SPART: variants seen among roughly 807,000 people sequenced by gnomAD.
The protein encoded by SPART is spastic paraplegia 20 (Troyer syndrome).
In SPART, 35 loss-of-function variants were observed where a neutral mutation model predicts 58.7. The ratio of observed to expected loss-of-function variants is 0.60; its 90% CI spans 0.46 to 0.79. SPART has a LOEUF of 0.79. Among genes scored for constraint, SPART ranks in the 30% least tolerant of loss-of-function variants. The pLI, the probability that SPART is intolerant of heterozygous loss-of-function variation, is 0.00. For synonymous variants in SPART, 284 were observed against 280.7 expected (o/e 1.01, Z -0.12); for missense variants, 730 against 786.1 (o/e 0.93, Z 0.85).
At chr13:36,317,955 T>G (rs576758886) in intron 5 of SPART, among the ~76,000 whole-genome samples, 3 of 152,180 alleles carry the variant, frequency 2.0e-5, no homozygotes, top group Non-Finnish European at 4.4e-5. Context: ...CGTCCAGGCA[T>G]TCTTTTACAC....
chr13:36,305,836 CAA>C (rs918792271), intron 8 of SPART, among the ~76,000 whole-genome samples: 1 of 152,116 alleles, frequency 6.6e-6, no homozygotes, highest in Non-Finnish European at 1.5e-5. Flanking sequence ...AACAAAGAGG[CAA>C]AAGTTTACAT....
At position 36,312,201 on chromosome 13, in the gene SPART, T is replaced by C. The variant is rs780992432; in HGVS notation, c.1677A>G (p.Ala559=). ...FSTVWQGLEC[A]AKCIVNNVSA... ...AAACATTGTTAACGATGCATTTAGCTGCACATTCCAATCCTTGCCAGACAG... is the reference window on the plus strand; with the variant it reads ...AAACATTGTTAACGATGCATTTAGCCGCACATTCCAATCCTTGCCAGACAG... The change falls in exon 8 of 9, where the codon GCA becomes GCG. Residue 559 remains alanine (A), a synonymous_variant. Transcript: ENST00000438666. 1 of 1,614,228 alleles carries C rather than the reference T, an allele frequency of 6.2e-7. No homozygotes were observed. Among genetic ancestry groups the C allele is most frequent in the Non-Finnish European group, 8.5e-7 (1 of 1,180,024 alleles).
At chr13:36,346,171 GCC>G (rs977057057) in intron 1 of SPART, 52 bp downstream of exon 1, 3 of 148,670 alleles carry the variant, frequency 2.0e-5, no homozygotes, top group African/African-American at 7.5e-5. Flanking sequence ...GGCCTGGGGC[GCC>G]CACCCCGCCC....
chr13:36,322,190 G>C (rs1882480245), intron 5 of SPART, among the ~76,000 whole-genome samples: 1 of 152,150 alleles, frequency 6.6e-6, no homozygotes. Flanking sequence ...GGACGTGCAT[G>C]AAACTCAGCA....
At chr13:36,318,266 T>G (rs926213153) in intron 5 of SPART, among the ~76,000 whole-genome samples, 38 of 152,146 alleles carry the variant, frequency 2.5e-4, no homozygotes, top group Admixed American at 2.4e-3. Context: ...TGCCCAGCAA[T>G]TTACTCTTAA....
upstream of SPART, among the ~76,000 whole-genome samples, chr13:36,351,200 C>T (rs1424412598): frequency 6.6e-6 from 1 of 151,960 alleles, no homozygotes; most frequent in Non-Finnish European, 1.5e-5. Context: ...CCAGGTGCAG[C>T]AGCTCACACC....
intron 1 of SPART, chr13:36,368,270 C>G (rs762571900): frequency 1.2e-4 from 46 of 391,344 alleles, no homozygotes; most frequent in Non-Finnish European, 2.1e-4. Context: ...CTGCCCAAAC[C>G]AGGCATAAAT....
In SPART at chr13:36,304,147, C is replaced by G. The variant is rs1245725273; in HGVS notation, c.*218G>C. ...TTAGCTACACTTGGAAAAAAATAAA[C>G]TTGAGAATATAACTTCACATTTCTA... On this transcript the variant is annotated 3_prime_UTR_variant, in exon 9 of 9. Transcript: ENST00000438666. 6.6e-6 allele frequency: 4 copies of G among 604,408 alleles called. No homozygotes were observed. In the African/African-American group the frequency reaches 7.4e-5, roughly 11 times the overall value. The allele number at this position is 604,408 out of a possible 1,614,324, so 37.4% of individuals were successfully genotyped here.
At chr13:36,334,375 C>T (rs1028294184) in intron 2 of SPART, among the ~76,000 whole-genome samples, 1 of 152,136 alleles carries the variant, frequency 6.6e-6, no homozygotes, top group Non-Finnish European at 1.5e-5. Context: ...TAAATTATCA[C>T]CACAGTCTCG....
intron 1 of SPART, among the ~76,000 whole-genome samples, chr13:36,352,785 C>G (rs1351292731): frequency 8.2e-6 from 1 of 121,462 alleles, no homozygotes; most frequent in African/African-American, 2.9e-5. Context: ...GATCCCGTTT[C>G]CAAAAAAAAA....
intron 1 of SPART, among the ~76,000 whole-genome samples, chr13:36,343,896 G>A (rs1228528861): frequency 6.6e-6 from 1 of 152,078 alleles, no homozygotes; most frequent in African/African-American, 2.4e-5. Flanking sequence ...AATTAAATGA[G>A]CTCTCGCCTG....
chr13:36,318,878 T>G (rs1301947922), intron 5 of SPART, among the ~76,000 whole-genome samples: 1 of 152,134 alleles, frequency 6.6e-6, no homozygotes, highest in Non-Finnish European at 1.5e-5. Flanking sequence ...GCTCTCTGAC[T>G]GACTCCTTCC....
At chr13:36,364,413 G>A (rs1885981006) in intron 1 of SPART, among the ~76,000 whole-genome samples, 1 of 152,100 alleles carries the variant, frequency 6.6e-6, no homozygotes, top group Non-Finnish European at 1.5e-5. Context: ...CATCTTAGAA[G>A]CATCCAGTCT....
At chr13:36,331,360 G>T in intron 3 of SPART, 39 bp downstream of exon 3, 1 of 1,572,860 alleles carries the variant, frequency 6.4e-7, no homozygotes, top group Non-Finnish European at 8.8e-7. Context: ...TTATGTTAAA[G>T]TAGATTTTTT....
At chr13:36,325,136 A>G (rs1882798963) in intron 5 of SPART, among the ~76,000 whole-genome samples, 1 of 152,112 alleles carries the variant, frequency 6.6e-6, no homozygotes, top group Non-Finnish European at 1.5e-5. Context: ...TGACAAGTAT[A>G]AATTCCAAAA....
At chr13:36,327,305 C>T (rs1021364240) in intron 4 of SPART, among the ~76,000 whole-genome samples, 8 of 152,058 alleles carry the variant, frequency 5.3e-5, no homozygotes, top group African/African-American at 1.9e-4. Context: ...AAGATGCAGG[C>T]TAACTCAGAC....
At chr13:36,328,410 T>C (rs1475523850) in intron 4 of SPART, among the ~76,000 whole-genome samples, 1 of 152,176 alleles carries the variant, frequency 6.6e-6, no homozygotes, top group Non-Finnish European at 1.5e-5. Context: ...AAATTTGCTA[T>C]TCATAAGGCC....
At chr13:36,349,347 G>A (rs926267126), upstream of SPART, among the ~76,000 whole-genome samples, 5 of 152,194 alleles carry the variant, frequency 3.3e-5, no homozygotes, top group East Asian at 3.8e-4. Context: ...AAGCTTCCAC[G>A]TATGGTTAAG....
intron 5 of SPART, among the ~76,000 whole-genome samples, chr13:36,323,966 A>C (rs1882666541): frequency 6.6e-6 from 1 of 152,184 alleles, no homozygotes; most frequent in East Asian, 1.9e-4. Context: ...TTCTTTTGAA[A>C]TCTACAAAGA....
Sources: allele counts gnomAD v4.1 joint callset (sites outside exome capture counted in the v4.1 genomes callset), GRCh38; gene constraint gnomAD v4.1.1; transcripts MANE v1.5; gene names NCBI Gene and HGNC (gene_info 2026-07-23, HGNC 2026-07-21).